The following WRN variants were observed in gnomAD, a reference collection of about 807,000 sequenced individuals.
WRN encodes WRN RecQ like helicase.
Under a neutral mutation model 180.7 loss-of-function variants are expected in WRN, and 149 were observed. That is an observed-to-expected ratio of 0.82 (90% confidence interval 0.72 to 0.94). The LOEUF (loss-of-function observed/expected upper bound fraction) is 0.94. WRN is among the 40% of genes least tolerant of loss of function. The probability of loss-of-function intolerance (pLI) is 0.00; values close to 1 mark genes in which losing one functional copy is unlikely to be tolerated. For missense variants in WRN, 1,661 were observed against 1,700.1 expected, an observed-to-expected ratio of 0.98 and a Z score of 0.40; for synonymous variants, 548 against 568.9, an observed-to-expected ratio of 0.96 and a Z score of 0.52.
intron 33 of WRN, 54 bp from the exon 34 acceptor site, chr8:31,166,968 T>C: frequency 6.6e-7 from 1 of 1,517,980 alleles, no homozygotes; most frequent in Non-Finnish European, 9.1e-7. Flanking sequence ...TCATAGGTTT[T>C]CTAAAATATT....
chr8:31,059,301 T>G, intron 3 of WRN, 36 bp downstream of exon 3: 2 of 1,542,460 alleles, frequency 1.3e-6, no homozygotes, highest in Non-Finnish European at 1.8e-6. Context: ...TATTTGAATT[T>G]GGACCCTTAG....
At chr8:31,058,809 CTT>C (rs1334292433) in intron 2 of WRN, among the ~76,000 whole-genome samples, 4 of 152,136 alleles carry the variant, frequency 2.6e-5, no homozygotes, top group Non-Finnish European at 4.4e-5. Flanking sequence ...ACAACATTAA[CTT>C]TGTTGAATTT....
intron 23 of WRN, among the ~76,000 whole-genome samples, chr8:31,128,703 C>A (rs1035272442): frequency 6.6e-6 from 1 of 152,122 alleles, no homozygotes; most frequent in Middle Eastern, 3.4e-3. Context: ...ACTAAAAATA[C>A]AAAAAATTAG....
intron 1 of WRN, among the ~76,000 whole-genome samples, chr8:31,044,590 C>T (rs1417137268): frequency 1.3e-5 from 2 of 151,438 alleles, no homozygotes; most frequent in African/African-American, 2.4e-5. Flanking sequence ...CTCTTGACTA[C>T]GTGATCCGCC....
chr8:31,045,381 T>C (rs1811820278), intron 1 of WRN, among the ~76,000 whole-genome samples: 1 of 152,072 alleles, frequency 6.6e-6, no homozygotes, highest in Admixed American at 6.5e-5. Flanking sequence ...TGTTTTTGTA[T>C]TTTTACACCA....
At chr8:31,159,944 CAAAAA>C (rs35353095) in intron 33 of WRN, among the ~76,000 whole-genome samples, 1 of 101,860 alleles carries the variant, frequency 9.8e-6, no homozygotes, top group Non-Finnish European at 1.9e-5. Context: ...GACTCTGTCT[CAAAAA>C]AAAAAAAAAA....
At chr8:31,089,479 C>G (rs1813658333) in intron 13 of WRN, among the ~76,000 whole-genome samples, 1 of 151,912 alleles carries the variant, frequency 6.6e-6, no homozygotes. Context: ...AACTAATAAG[C>G]CTGTGAAAAT....
intron 11 of WRN, among the ~76,000 whole-genome samples, chr8:31,085,826 A>G (rs1433870381): frequency 6.6e-6 from 1 of 151,940 alleles, no homozygotes; most frequent in African/African-American, 2.4e-5. Context: ...ATGGGTAGTG[A>G]TTTGGCTCTC....
At position 31,173,219 on chromosome 8, in the gene WRN, T is replaced by C; in HGVS notation, c.*117T>C. The C allele has an allele frequency of 9.9e-7, 1 of 1,014,422 alleles. No individual in the cohort carries two copies. Among genetic ancestry groups the C allele is most frequent in the Non-Finnish European group, 1.5e-6 (1 of 666,490 alleles). 62.8% of individuals were successfully genotyped at this position (1,014,422 alleles called of 1,614,324 possible). ...TTAAAAATCATTCTAATTACAAAGT[T>C]CACTGTTTATTGAAGAACTGGCATC... On this transcript the variant is annotated 3_prime_UTR_variant, in exon 35 of 35. Coordinates refer to ENST00000298139, the MANE Select transcript of WRN (RefSeq NM_000553.6).
At chr8:31,091,033 C>A in intron 15 of WRN, 91 bp downstream of exon 15, 1 of 959,476 alleles carries the variant, frequency 1.0e-6, no homozygotes, top group South Asian at 1.3e-5. Flanking sequence ...AAATCTAGTT[C>A]ACAATAACAC....
At chr8:31,090,638 A>G in intron 14 of WRN, 106 bp downstream of exon 14, 1 of 1,233,548 alleles carries the variant, frequency 8.1e-7, no homozygotes, top group Non-Finnish European at 1.2e-6. Flanking sequence ...GCAACTACAA[A>G]TGATGTAAAC....
chr8:31,045,626 T>C (rs534443276), intron 1 of WRN, among the ~76,000 whole-genome samples: 1 of 152,268 alleles, frequency 6.6e-6, no homozygotes, highest in Admixed American at 6.5e-5. Context: ...GGTCTCGAAC[T>C]CCTGACCTCA....
At chr8:31,064,690 T>C (rs1289070613) in intron 4 of WRN, among the ~76,000 whole-genome samples, 1 of 152,244 alleles carries the variant, frequency 6.6e-6, no homozygotes, top group Non-Finnish European at 1.5e-5. Flanking sequence ...CCAGGATATG[T>C]ACTGCTATTG....
intron 18 of WRN, among the ~76,000 whole-genome samples, chr8:31,110,124 A>G (rs1187682556): frequency 6.6e-6 from 1 of 152,196 alleles, no homozygotes; most frequent in Non-Finnish European, 1.5e-5. Flanking sequence ...TTACTGTGTG[A>G]GAATGTGCAT....
At chr8:31,082,242 T>G (rs1377859668) in intron 9 of WRN, among the ~76,000 whole-genome samples, 1 of 152,202 alleles carries the variant, frequency 6.6e-6, no homozygotes, top group Non-Finnish European at 1.5e-5. Context: ...ATGCCTATAT[T>G]CTCTGAAATT....
intron 1 of WRN, among the ~76,000 whole-genome samples, chr8:31,037,894 T>G (rs1811509123): frequency 6.6e-6 from 1 of 152,234 alleles, no homozygotes; most frequent in African/African-American, 2.4e-5. Flanking sequence ...GTTTTCAAGG[T>G]TCACCCATGT....
chr8:31,146,599 C>T (rs1305573728), intron 28 of WRN, among the ~76,000 whole-genome samples: 2 of 152,032 alleles, frequency 1.3e-5, no homozygotes, highest in African/African-American at 4.8e-5. Flanking sequence ...TTCTTGTTCT[C>T]TTCTTGTTTC....
In WRN at chr8:31,141,448, G is replaced by A. The variant is rs138379977; in HGVS notation, c.2986G>A (p.Asp996Asn). The change falls in exon 25 of 35, where the codon GAT (aspartate) becomes AAT (asparagine). Residue 996 changes from aspartate (D) to asparagine (N), a missense_variant. Coordinates refer to ENST00000298139, the MANE Select transcript of WRN (RefSeq NM_000553.6). ...LRGSNSQRLA[D>N]QYRRHSLFGT... ...ATTTCAGAATTCTCAGCGTCTTGCC[G>A]ATCAATATCGCAGGCACAGTTTATT... is the stretch of plus-strand genomic sequence containing the variant. 703 of 1,613,896 alleles carry A rather than the reference G, an allele frequency of 4.4e-4. No homozygotes were observed. Among genetic ancestry groups the A allele is most frequent in the South Asian group, 5.4e-4 (49 of 91,064 alleles).
chr8:31,059,195 T>G lies in WRN; in HGVS notation c.139T>G (p.Leu47Val), dbSNP rs1812389244. 6.2e-7 allele frequency: 1 copy of G among 1,613,924 alleles called. No homozygotes were observed. Among genetic ancestry groups the G allele is most frequent in the Non-Finnish European group, 8.5e-7 (1 of 1,179,894 alleles). ...TGTTTTTGAAGATGACCTCCCCTTC[T>G]TAGAATTCACTGGATCCATTGTGTA... is the stretch of plus-strand genomic sequence containing the variant. ...KSVFEDDLPFLEFTGSIVYSY... is the reference protein window; with the variant it reads ...KSVFEDDLPFVEFTGSIVYSY... Residue 47 changes from leucine (L) to valine (V), a missense_variant, in exon 3 of 35, where the codon TTA becomes GTA. Transcript: ENST00000298139.
Sources: allele counts gnomAD v4.1 joint callset (sites outside exome capture counted in the v4.1 genomes callset), GRCh38; gene constraint gnomAD v4.1.1; transcripts MANE v1.5; gene names NCBI Gene and HGNC (gene_info 2026-07-23, HGNC 2026-07-21).